Variants in PEPD observed in about 807,000 individuals in gnomAD.
The protein encoded by PEPD is xaa-Pro dipeptidase.
In PEPD, 53 loss-of-function variants were observed where a neutral mutation model predicts 60.7. The observed-to-expected ratio is 0.87, with a 90% CI of 0.70 to 1.10. PEPD has a LOEUF of 1.10. PEPD is among the 50% of genes least tolerant of loss of function. The pLI is 0.00. For missense variants in PEPD, 711 were observed against 711.9 expected (o/e 1.00, Z 0.01); for synonymous variants, 267 against 284.1 (o/e 0.94, Z 0.60).
intron 9 of PEPD, among the ~76,000 whole-genome samples, chr19:33,424,652 C>A (rs1369739975): frequency 6.6e-6 from 1 of 152,120 alleles, no homozygotes; most frequent in Non-Finnish European, 1.5e-5. Context: ...CCAGCCTGGA[C>A]AATCTAGTGA....
intron 9 of PEPD, among the ~76,000 whole-genome samples, chr19:33,454,550 C>T (rs1486846603): frequency 2.0e-5 from 3 of 151,084 alleles, no homozygotes; most frequent in Non-Finnish European, 4.4e-5. Flanking sequence ...CGCAGTGAGC[C>T]GAGATTGTAC....
At position 33,388,067 on chromosome 19, in the gene PEPD, G is replaced by T; in HGVS notation, c.1167C>A (p.Ile389=). ...GCAGGCTCCGCAGGCCGGGCTCGTC[G>T]ATGCGCTCCACGCCCTGTGGGGAAC... The part of the protein sequence containing the change: ...VGGYPEGVER[I]DEPGLRSLRT... Residue 389 remains isoleucine (I), a synonymous_variant, in exon 14 of 15, where the codon ATC becomes ATA. Coordinates refer to ENST00000244137, the MANE Select transcript of PEPD (RefSeq NM_000285.4). 1.3e-6 allele frequency: 2 copies of T among 1,550,010 alleles called. No homozygotes were observed. Among genetic ancestry groups the T allele is most frequent in the Non-Finnish European group, 8.7e-7 (1 of 1,148,164 alleles).
chr19:33,387,110 C>A lies in PEPD; in HGVS notation c.*234G>T. On this transcript the variant is annotated 3_prime_UTR_variant, in exon 15 of 15. Coordinates refer to ENST00000244137, the MANE Select transcript of PEPD (RefSeq NM_000285.4). ...AGCATTATTTTCAATCATTTTAAGT[C>A]GCTCATTTAATAAGCAAGGTATAAA... 1.8e-6 allele frequency: 1 copy of A among 566,976 alleles called. No homozygotes were observed. Among genetic ancestry groups the A allele is most frequent in the Non-Finnish European group, 3.1e-6 (1 of 318,734 alleles). The allele number at this position is 566,976 out of a possible 1,614,324, so 35.1% of individuals were successfully genotyped here. A position where few individuals can be genotyped will look rare whatever the true frequency, so the allele number is the denominator to read the frequency against.
At chr19:33,410,354 AGGGAGG>A (rs374439825) in intron 11 of PEPD, among the ~76,000 whole-genome samples, 1,843 of 152,342 alleles carry the variant, frequency 0.012, 17 homozygotes, top group Non-Finnish European at 0.018. Context: ...GCCCAAGGGC[AGGGAGG>A]ACCCCGAGAC....
At chr19:33,510,100 T>C (rs1354234644) in intron 3 of PEPD, among the ~76,000 whole-genome samples, 1 of 152,196 alleles carries the variant, frequency 6.6e-6, no homozygotes, top group Non-Finnish European at 1.5e-5. Context: ...AGTGACGGCC[T>C]CGCAGGGCCA....
chr19:33,463,542 C>T (rs545396811), intron 8 of PEPD, among the ~76,000 whole-genome samples: 2 of 152,270 alleles, frequency 1.3e-5, no homozygotes, highest in South Asian at 2.1e-4. Context: ...ACATGTGTTT[C>T]CTTATTTGGT....
At chr19:33,460,521 C>G (rs1969906367) in intron 9 of PEPD, among the ~76,000 whole-genome samples, 2 of 152,108 alleles carry the variant, frequency 1.3e-5, no homozygotes, top group South Asian at 4.1e-4. Context: ...GGGGGTGACC[C>G]CTCTCTCCCA....
At chr19:33,488,531 AGGGCCTGG>A (rs1182664037) in intron 6 of PEPD, among the ~76,000 whole-genome samples, 3 of 152,148 alleles carry the variant, frequency 2.0e-5, no homozygotes, top group Admixed American at 2.0e-4. Context: ...AGCCCCTCTG[AGGGCCTGG>A]GGGCCTGGGG....
chr19:33,413,565 C>A lies in PEPD; in HGVS notation c.740+10G>T. On this transcript the variant is annotated intron_variant, in intron 10 of 14. Coordinates refer to ENST00000244137, the MANE Select transcript of PEPD (RefSeq NM_000285.4). ...GGTCACCCCCAGGGGAGCCAGGGTG[C>A]CCCGCTTACCTGCCGCAGATGCAGG... is the stretch of plus-strand genomic sequence containing the variant. 2 of 1,534,352 alleles carry A rather than the reference C, an allele frequency of 1.3e-6. No homozygotes were observed. The highest frequency in any genetic ancestry group is 1.8e-6 in the Non-Finnish European group (2 of 1,127,754).
chr19:33,442,543 A>AC (rs533871762), intron 9 of PEPD, among the ~76,000 whole-genome samples: 32,747 of 143,442 alleles, frequency 0.23, 4,225 homozygotes, highest in Non-Finnish European at 0.3. Flanking sequence ...TACTAAAAAT[A>AC]AAATAAAAAA....
intron 11 of PEPD, 121 bp from the exon 12 acceptor site, chr19:33,401,990 C>G (rs1278552906): frequency 1.0e-5 from 9 of 901,828 alleles, no homozygotes; most frequent in Non-Finnish European, 1.6e-5. Context: ...GCAACTCCCC[C>G]TCACAATGAG....
chr19:33,391,500 C>G (rs1968220705), intron 12 of PEPD, 21 bp from the exon 13 acceptor site: 2 of 1,546,666 alleles, frequency 1.3e-6, no homozygotes, highest in Admixed American at 3.9e-5. Context: ...GAGGGAGCTG[C>G]CGTGAGCCAC....
intron 9 of PEPD, among the ~76,000 whole-genome samples, chr19:33,437,559 C>T (rs1165686874): frequency 5.3e-5 from 8 of 152,104 alleles, no homozygotes; most frequent in Non-Finnish European, 1.2e-4. Flanking sequence ...CACCAAGCCT[C>T]TAAGCATCAT....
intron 12 of PEPD, among the ~76,000 whole-genome samples, chr19:33,392,848 T>C: frequency 6.6e-6 from 1 of 151,262 alleles, no homozygotes; most frequent in Non-Finnish European, 1.5e-5. Context: ...GGGATGAGAG[T>C]CCACACTGGG....
intron 1 of PEPD, among the ~76,000 whole-genome samples, chr19:33,519,227 A>G (rs542253018): frequency 1.3e-5 from 2 of 152,328 alleles, no homozygotes; most frequent in South Asian, 4.1e-4. Flanking sequence ...GGCTAGCAAG[A>G]GAAAGTAGGA....
At chr19:33,501,255 A>C (rs930683156) in intron 3 of PEPD, among the ~76,000 whole-genome samples, 5 of 152,074 alleles carry the variant, frequency 3.3e-5, no homozygotes, top group Non-Finnish European at 7.4e-5. Flanking sequence ...GACCCTAGCC[A>C]CCTGCAGCCA....
intron 14 of PEPD, 98 bp from the exon 15 acceptor site, chr19:33,387,579 A>G: frequency 1.4e-6 from 2 of 1,464,834 alleles, no homozygotes; most frequent in Non-Finnish European, 1.9e-6. Context: ...ATGGGATGGG[A>G]GCAGCTGACA....
intron 6 of PEPD, among the ~76,000 whole-genome samples, chr19:33,483,459 C>T (rs555596123): frequency 1.3e-5 from 2 of 152,292 alleles, no homozygotes; most frequent in East Asian, 1.9e-4. Context: ...TAGCCTAGCA[C>T]AAGCTATAGG....
chr19:33,414,130 A>G (rs75600179), intron 9 of PEPD, among the ~76,000 whole-genome samples: 18,788 of 152,218 alleles, frequency 0.12, 2,808 homozygotes, highest in African/African-American at 0.35. Flanking sequence ...CACAGGAGCT[A>G]TGGGCAGAAG....
Sources: gnomAD v4.1 joint callset for allele counts (sites outside exome capture counted in the v4.1 genomes callset) on GRCh38, gnomAD v4.1.1 for gene constraint, MANE v1.5 for transcripts, NCBI Gene and HGNC (gene_info 2026-07-23, HGNC 2026-07-21) for gene names.